PGBD5: variants seen among roughly 807,000 people sequenced by gnomAD.
The protein encoded by PGBD5 is piggyBac transposable element derived 5.
PGBD5 carries 14 observed loss-of-function variants against 47.9 expected under a neutral mutation model. The ratio of observed to expected loss-of-function variants is 0.29; its 90% CI spans 0.19 to 0.46. The LOEUF (loss-of-function observed/expected upper bound fraction) is 0.46, where lower values mean the gene tolerates loss of function less well. Among genes scored for constraint, PGBD5 ranks in the 20% least tolerant of loss-of-function variants. PGBD5 has a pLI of 1.00. For missense variants in PGBD5, 635 were observed against 716.0 expected (o/e 0.89, Z 1.29); for synonymous variants, 316 against 306.3 (o/e 1.03, Z -0.33).
At chr1:230,400,732 C>G (rs1054617306) in intron 1 of PGBD5, among the ~76,000 whole-genome samples, 4 of 152,302 alleles carry the variant, frequency 2.6e-5, no homozygotes, top group African/African-American at 7.2e-5. Context: ...GCAGTCCCAG[C>G]TACTTAGGAG....
chr1:230,372,688 G>C (rs369390974), intron 1 of PGBD5, among the ~76,000 whole-genome samples: 7 of 152,340 alleles, frequency 4.6e-5, no homozygotes, highest in African/African-American at 1.7e-4. Context: ...GACTCCATGA[G>C]GGAAACAGTG....
intron 1 of PGBD5, among the ~76,000 whole-genome samples, chr1:230,416,024 T>C (rs1269391017): frequency 6.6e-6 from 1 of 152,234 alleles, no homozygotes. Context: ...GAAAAGCATC[T>C]GCATATAGTA....
intron 1 of PGBD5, among the ~76,000 whole-genome samples, chr1:230,418,475 A>G (rs1657574782): frequency 1.3e-5 from 2 of 152,178 alleles, no homozygotes; most frequent in African/African-American, 4.8e-5. Context: ...AGGGGCAGGT[A>G]GGAATCTTCA....
chr1:230,364,619 C>T (rs1475831073), intron 1 of PGBD5, among the ~76,000 whole-genome samples: 1 of 146,094 alleles, frequency 6.8e-6, no homozygotes, highest in Non-Finnish European at 1.5e-5. Flanking sequence ...CAGTGGTTGG[C>T]AAAGAAGTTA....
rs1657775321 is a variant in PGBD5, at chr1:230,425,987, G to T, written c.-59C>A. 1 of 835,652 alleles carries T rather than the reference G, an allele frequency of 1.2e-6. No homozygotes were observed. Among genetic ancestry groups the T allele is most frequent in the Non-Finnish European group, 1.4e-6 (1 of 697,004 alleles). The allele number at this position is 835,652 out of a possible 1,614,324, so 51.8% of individuals were successfully genotyped here. Reference sequence around the variant, plus strand: ...AGTGCCTCCCAGCCGCACACGCCGGGCCCTGGGCCCGCGCCGCGGCCCGCC... The same window carrying T: ...AGTGCCTCCCAGCCGCACACGCCGGTCCCTGGGCCCGCGCCGCGGCCCGCC... On this transcript the variant is annotated 5_prime_UTR_variant, in exon 1 of 7. Coordinates refer to ENST00000391860, the MANE Select transcript of PGBD5 (RefSeq NM_001258311.2). This position sits in a 1 kb window ranked among gnomAD's most constrained non-coding sequence, Gnocchi z 4.7.
intron 1 of PGBD5, among the ~76,000 whole-genome samples, chr1:230,391,722 G>C (rs770006475): frequency 6.6e-6 from 1 of 152,148 alleles, no homozygotes; most frequent in African/African-American, 2.4e-5. Flanking sequence ...GCACTTAGGA[G>C]GATATGCTAT....
At chr1:230,363,581 CAA>C (rs58358621) in intron 1 of PGBD5, among the ~76,000 whole-genome samples, 7 of 138,530 alleles carry the variant, frequency 5.1e-5, no homozygotes, top group African/African-American at 1.3e-4. Flanking sequence ...GACTCCATCT[CAA>C]AAAAAAAAAA....
intron 1 of PGBD5, among the ~76,000 whole-genome samples, chr1:230,366,830 C>A (rs549138601): frequency 2.9e-4 from 44 of 152,290 alleles, no homozygotes; most frequent in South Asian, 1.5e-3. Context: ...TTCTGTCCCC[C>A]TTCCCGGGAG....
chr1:230,385,216 G>A (rs1192839994), intron 1 of PGBD5, among the ~76,000 whole-genome samples: 1 of 152,154 alleles, frequency 6.6e-6, no homozygotes, highest in Non-Finnish European at 1.5e-5. Context: ...CTGAATCACA[G>A]TGTCTTCTGG....
intron 1 of PGBD5, among the ~76,000 whole-genome samples, chr1:230,364,367 T>C (rs1260062482): frequency 6.6e-6 from 1 of 152,248 alleles, no homozygotes; most frequent in Non-Finnish European, 1.5e-5. Context: ...CAAAATTATG[T>C]TCAGATTAGT....
intron 1 of PGBD5, among the ~76,000 whole-genome samples, chr1:230,392,697 G>T (rs1196031850): frequency 6.6e-6 from 1 of 152,112 alleles, no homozygotes; most frequent in Admixed American, 6.5e-5. Flanking sequence ...CCTCAGCAGC[G>T]GCCTGCTCTC....
intron 2 of PGBD5, among the ~76,000 whole-genome samples, chr1:230,352,545 G>C (rs1033538432): frequency 6.6e-6 from 1 of 152,106 alleles, no homozygotes; most frequent in Non-Finnish European, 1.5e-5. Context: ...TTCAATTTTC[G>C]AAAAGTGACA....
At chr1:230,388,905 C>T (rs1310337098) in intron 1 of PGBD5, among the ~76,000 whole-genome samples, 1 of 152,192 alleles carries the variant, frequency 6.6e-6, no homozygotes, top group East Asian at 1.9e-4. Flanking sequence ...AAAGGAGGGG[C>T]CTCCTGGGCT....
intron 6 of PGBD5, 61 bp downstream of exon 6, chr1:230,325,249 T>A (rs1320470404): frequency 8.9e-6 from 11 of 1,230,918 alleles, no homozygotes; most frequent in African/African-American, 1.5e-5. Flanking sequence ...TGCCATTACA[T>A]CTCTTCCGAG....
chr1:230,359,012 G>A (rs1354756179), intron 1 of PGBD5, among the ~76,000 whole-genome samples: 4 of 152,040 alleles, frequency 2.6e-5, no homozygotes, highest in African/African-American at 9.7e-5. Flanking sequence ...CTAACTATAT[G>A]TAGAGATTTG....
rs1199785742 is a variant in PGBD5 at position 230,328,838 on chromosome 1, T to TCCAGGAGGAAGATGACAGACC, written c.1274-3444_1274-3424dup. ...GAATGTGAATCCTAAATGGGCAGAC[T>TCCAGGAGGAAGATGACAGACC]CCAGGAGGAAGATGACAGACCCAAG... On this transcript the variant is annotated intron_variant, in intron 5 of 6. Coordinates refer to ENST00000391860, the MANE Select transcript of PGBD5 (RefSeq NM_001258311.2). Among the ~76,000 whole-genome samples, 5 of 152,308 alleles carry TCCAGGAGGAAGATGACAGACC rather than the reference T, an allele frequency of 3.3e-5. No individual in the cohort carries two copies. The East Asian group carries it at 9.6e-4, about 29-fold the overall frequency.
intron 3 of PGBD5, among the ~76,000 whole-genome samples, chr1:230,342,738 C>T (rs1395440493): frequency 6.6e-6 from 1 of 152,190 alleles, no homozygotes. Context: ...TTGCCATATG[C>T]ACCTTGCAAG....
At chr1:230,362,934 C>T (rs147367372) in intron 1 of PGBD5, among the ~76,000 whole-genome samples, 26 of 152,082 alleles carry the variant, frequency 1.7e-4, no homozygotes, top group African/African-American at 4.6e-4. Flanking sequence ...GTGGGTGGGA[C>T]GAGTGGTGAA....
At chr1:230,387,666 T>C (rs1443663541) in intron 1 of PGBD5, among the ~76,000 whole-genome samples, 1 of 151,866 alleles carries the variant, frequency 6.6e-6, no homozygotes, top group Admixed American at 6.6e-5. Flanking sequence ...TGTAGAAGGG[T>C]GGTGATTCGG....
Sources: allele counts gnomAD v4.1 joint callset (sites outside exome capture counted in the v4.1 genomes callset), GRCh38; gene constraint gnomAD v4.1.1; non-coding constraint Gnocchi (gnomAD v3.1); transcripts MANE v1.5; gene names NCBI Gene and HGNC (gene_info 2026-07-23, HGNC 2026-07-21).